The following CREBBP variants were observed in gnomAD, a reference collection of about 807,000 sequenced individuals.
The protein encoded by CREBBP is CREB binding lysine acetyltransferase.
Under a neutral mutation model 265.0 loss-of-function variants are expected in CREBBP, and 19 were observed. That is an observed-to-expected ratio of 0.07 (90% confidence interval 0.05 to 0.11). The LOEUF is 0.11. Among genes scored for constraint, CREBBP ranks in the 10% least tolerant of loss-of-function variants. The probability of loss-of-function intolerance (pLI) is 1.00; values close to 1 mark genes in which losing one functional copy is unlikely to be tolerated. For synonymous variants in CREBBP, 1,457 were observed against 1,223.7 expected (o/e 1.19, Z -3.98); for missense variants, 2,525 against 3,219.0 (o/e 0.78, Z 5.22).
At chr16:3,830,306 G>A (rs1188087823) in intron 2 of CREBBP, among the ~76,000 whole-genome samples, 1 of 152,112 alleles carries the variant, frequency 6.6e-6, no homozygotes, top group Non-Finnish European at 1.5e-5. Flanking sequence ...GCTGAGGTGG[G>A]AGGATCACCT....
At chr16:3,845,908 A>T (rs1157324347) in intron 2 of CREBBP, among the ~76,000 whole-genome samples, 1 of 110,670 alleles carries the variant, frequency 9.0e-6, no homozygotes, top group African/African-American at 3.0e-5. Flanking sequence ...AAAAAAAAAA[A>T]GTCATGTAAT....
At chr16:3,799,363 G>A (rs886415932) in intron 3 of CREBBP, among the ~76,000 whole-genome samples, 1 of 152,004 alleles carries the variant, frequency 6.6e-6, no homozygotes, top group Non-Finnish European at 1.5e-5. Flanking sequence ...AATCACTAAA[G>A]GAATAGAAAT....
At chr16:3,853,519 A>C (rs551980256) in intron 1 of CREBBP, among the ~76,000 whole-genome samples, 11 of 152,260 alleles carry the variant, frequency 7.2e-5, no homozygotes, top group Admixed American at 7.2e-4. Flanking sequence ...CTGAGGCAGG[A>C]GAATGGCGTG....
intron 19 of CREBBP, among the ~76,000 whole-genome samples, chr16:3,756,117 T>G (rs1046410881): frequency 6.6e-6 from 1 of 152,198 alleles, no homozygotes; most frequent in Non-Finnish European, 1.5e-5. Context: ...CCTTCTGTCT[T>G]CTTTGAAGTA....
chr16:3,847,967 G>C (rs1173839668), intron 2 of CREBBP, among the ~76,000 whole-genome samples: 1 of 152,100 alleles, frequency 6.6e-6, no homozygotes, highest in Non-Finnish European at 1.5e-5. Flanking sequence ...TCAGGAGTTC[G>C]AGACCAGCTT....
chr16:3,758,488 C>A (rs1473251614), intron 17 of CREBBP, among the ~76,000 whole-genome samples: 1 of 152,152 alleles, frequency 6.6e-6, no homozygotes, highest in African/African-American at 2.4e-5. Flanking sequence ...GGCTGGGTCC[C>A]CATGGCCTTT....
intron 9 of CREBBP, among the ~76,000 whole-genome samples, chr16:3,778,497 C>T (rs1011220982): frequency 2.0e-5 from 3 of 152,202 alleles, no homozygotes; most frequent in Non-Finnish European, 4.4e-5. Context: ...AATTTATATA[C>T]TCCATGCACC....
intron 2 of CREBBP, among the ~76,000 whole-genome samples, chr16:3,833,466 C>T (rs2141421482): frequency 6.6e-6 from 1 of 152,162 alleles, no homozygotes; most frequent in East Asian, 1.9e-4. Flanking sequence ...CTAGGCAGAA[C>T]ATTAAAGCCA....
chr16:3,817,916 G>A (rs1197012779), intron 2 of CREBBP, among the ~76,000 whole-genome samples: 11 of 152,204 alleles, frequency 7.2e-5, no homozygotes, highest in Admixed American at 2.6e-4. Context: ...ACCTGTCCTT[G>A]GAGGAAGGAA....
chr16:3,852,078 A>AAAAT (rs2054857327), intron 1 of CREBBP, among the ~76,000 whole-genome samples: 1 of 125,694 alleles, frequency 8.0e-6, no homozygotes, highest in African/African-American at 3.0e-5. Context: ...AAAAAAAAGA[A>AAAAT]TGTATGTGTG....
At chr16:3,748,060 A>T (rs1456785461) in intron 21 of CREBBP, among the ~76,000 whole-genome samples, 5 of 152,174 alleles carry the variant, frequency 3.3e-5, no homozygotes, top group African/African-American at 1.2e-4. Flanking sequence ...ATTGCACTCC[A>T]GCCTGGGCAA....
intron 1 of CREBBP, among the ~76,000 whole-genome samples, chr16:3,866,827 CTTTG>C (rs1252402061): frequency 6.6e-6 from 1 of 152,128 alleles, no homozygotes; most frequent in Non-Finnish European, 1.5e-5. Context: ...GCTCTCCATC[CTTTG>C]TTTATTGATT....
chr16:3,780,916 A>G, intron 7 of CREBBP, 38 bp from the exon 8 acceptor site: 1 of 1,611,266 alleles, frequency 6.2e-7, no homozygotes, highest in Non-Finnish European at 8.5e-7. Flanking sequence ...CATCTACTGA[A>G]GTGACTCAAA....
chr16:3,779,505 C>G (rs1412546224), intron 8 of CREBBP, among the ~76,000 whole-genome samples: 1 of 152,178 alleles, frequency 6.6e-6, no homozygotes, highest in Non-Finnish European at 1.5e-5. Context: ...CAAATAAGCA[C>G]TACAAAATCA....
chr16:3,818,359 G>A (rs2054079428), intron 2 of CREBBP, among the ~76,000 whole-genome samples: 2 of 145,706 alleles, frequency 1.4e-5, no homozygotes, highest in Non-Finnish European at 3.0e-5. Context: ...CCAGGCTGGA[G>A]TGTAGTGGCA....
At position 3,739,826 on chromosome 16, in the gene CREBBP, G is replaced by A. The variant is rs770232477; in HGVS notation, c.4134-102C>T. On this transcript the variant is annotated intron_variant, in intron 24 of 30. Transcript: ENST00000262367. ...CTAACTCTGGCCACTGCAGATGAGC[G>A]GAGGCATGGCCACCTCCTCAGACCG... 3.3e-5 allele frequency: 50 copies of A among 1,529,948 alleles called. No homozygotes were observed. In the Middle Eastern group the frequency reaches 6.8e-4, roughly 21 times the overall value. The allele number at this position is 1,529,948 out of a possible 1,614,324, so 94.8% of individuals were successfully genotyped here.
At position 3,728,864 on chromosome 16, in the gene CREBBP, G is replaced by A. The variant is rs2051827248; in HGVS notation, c.6183C>T (p.Ser2061=). 1.2e-6 allele frequency: 2 copies of A among 1,612,644 alleles called. No individual in the cohort carries two copies. Among genetic ancestry groups the A allele is most frequent in the Middle Eastern group, 3.3e-4 (2 of 6,058 alleles). The part of the protein sequence containing the change: ...PRMPSVQPPR[S]ISPSALQDLL... ...GGTCTTGCAGAGCGCTGGGTGAGATGCTCCTGGGTGGCTGCACGCTGGGCA... is the reference window on the plus strand; with the variant it reads ...GGTCTTGCAGAGCGCTGGGTGAGATACTCCTGGGTGGCTGCACGCTGGGCA... The change falls in exon 31 of 31, where the codon AGC becomes AGT. Residue 2061 remains serine, a synonymous_variant. Coordinates refer to ENST00000262367, the MANE Select transcript of CREBBP (RefSeq NM_004380.3). The surrounding 1 kb of genome is among the most constrained non-coding windows in gnomAD (Gnocchi z 8.7).
At chr16:3,862,202 G>C (rs982313628) in intron 1 of CREBBP, among the ~76,000 whole-genome samples, 1 of 152,196 alleles carries the variant, frequency 6.6e-6, no homozygotes, top group African/African-American at 2.4e-5. Flanking sequence ...AAGTAGGAAA[G>C]GCTTCAAATA....
chr16:3,767,965 A>G (rs2052899005), intron 15 of CREBBP, 56 bp from the exon 16 acceptor site: 1 of 1,539,942 alleles, frequency 6.5e-7, no homozygotes, highest in Admixed American at 1.7e-5. Context: ...ATGTTACCGC[A>G]ACCTCACGGG....
Sources: gnomAD v4.1 joint callset for allele counts (sites outside exome capture counted in the v4.1 genomes callset) on GRCh38, gnomAD v4.1.1 for gene constraint, Gnocchi (gnomAD v3.1) non-coding constraint, MANE v1.5 for transcripts, NCBI Gene and HGNC (gene_info 2026-07-23, HGNC 2026-07-21) for gene names.